Variants in MBOAT2 observed in about 807,000 individuals in gnomAD.
The protein encoded by MBOAT2 is membrane bound glycerophospholipid O-acyltransferase 2.
Under a neutral mutation model 63.4 loss-of-function variants are expected in MBOAT2, and 28 were observed. The observed-to-expected ratio is 0.44, with a 90% CI of 0.33 to 0.61. The LOEUF is 0.61. MBOAT2 is among the 20% of genes least tolerant of loss of function. The pLI is 0.03. For synonymous variants in MBOAT2, 211 were observed against 215.6 expected (o/e 0.98, Z 0.19); for missense variants, 470 against 605.8 (o/e 0.78, Z 2.35).
At chr2:8,968,618 C>A (rs1478368081) in intron 1 of MBOAT2, among the ~76,000 whole-genome samples, 2 of 152,048 alleles carry the variant, frequency 1.3e-5, no homozygotes, top group Non-Finnish European at 2.9e-5. Flanking sequence ...CACAAAGAAG[C>A]TAAAAACCTT....
At chr2:8,928,033 G>A (rs1456793514) in intron 3 of MBOAT2, among the ~76,000 whole-genome samples, 1 of 152,136 alleles carries the variant, frequency 6.6e-6, no homozygotes, top group East Asian at 1.9e-4. Context: ...CAGAGCAGGA[G>A]TAAGAAAGCG....
rs760460797 is a variant in MBOAT2 at position 8,864,247 on chromosome 2, G to GA, written c.988-14dup. ...AACTTGTTGACATCTGAAAAAAAAG[G>GA]AAACTTTTTTCTTTGTGTCACAAAA... is the stretch of plus-strand genomic sequence containing the variant. On this transcript the variant is annotated splice_polypyrimidine_tract_variant and intron_variant, in intron 9 of 12. Coordinates refer to ENST00000305997, the MANE Select transcript of MBOAT2 (RefSeq NM_138799.4). The GA allele has an allele frequency of 1.1e-5, 17 of 1,525,236 alleles. 1 individual carries two copies. The African/African-American group carries it at 1.7e-4, about 15-fold the overall frequency. The allele number at this position is 1,525,236 out of a possible 1,614,324, so 94.5% of individuals were successfully genotyped here.
chr2:8,898,590 C>T (rs1371738328), intron 4 of MBOAT2, among the ~76,000 whole-genome samples: 1 of 152,142 alleles, frequency 6.6e-6, no homozygotes, highest in East Asian at 1.9e-4. Context: ...AACTGGTGGC[C>T]AAAAGTAAAT....
intron 4 of MBOAT2, among the ~76,000 whole-genome samples, chr2:8,895,790 A>C (rs1664415688): frequency 1.3e-5 from 2 of 152,206 alleles, no homozygotes; most frequent in South Asian, 4.1e-4. Context: ...GTTTGTAAGA[A>C]CATCTGTAGG....
At chr2:8,916,946 C>T (rs768806155) in intron 3 of MBOAT2, among the ~76,000 whole-genome samples, 10 of 152,014 alleles carry the variant, frequency 6.6e-5, no homozygotes, top group Non-Finnish European at 1.5e-4. Flanking sequence ...TGACACTGGC[C>T]TAAGGTCAGA....
intron 1 of MBOAT2, among the ~76,000 whole-genome samples, chr2:8,963,202 C>A (rs1338537479): frequency 4.1e-5 from 6 of 147,710 alleles, no homozygotes; most frequent in Non-Finnish European, 5.9e-5. Flanking sequence ...CACGCCACTG[C>A]ATTCCAGCCT....
intron 2 of MBOAT2, among the ~76,000 whole-genome samples, chr2:8,953,234 G>A (rs1668969049): frequency 6.6e-6 from 1 of 152,144 alleles, no homozygotes; most frequent in South Asian, 2.1e-4. Flanking sequence ...TTAGTTTGGT[G>A]GGTTATGAAA....
In MBOAT2 at chr2:9,003,466, C is replaced by T; in HGVS notation, c.75+74G>A. 1 of 1,028,736 alleles carries T rather than the reference C, an allele frequency of 9.7e-7. No homozygotes were observed. The highest frequency in any genetic ancestry group is 1.2e-6 in the Non-Finnish European group (1 of 826,980). 63.7% of individuals were successfully genotyped at this position (1,028,736 alleles called of 1,614,324 possible). On this transcript the variant is annotated intron_variant, in intron 1 of 12. Transcript: ENST00000305997. This position sits in a 1 kb window ranked among gnomAD's most constrained non-coding sequence, Gnocchi z 5.4. ...CCCAGCCCCCACCCTCCTCCCGGGC[C>T]CCCGGTCGGGTGGCACCGCGGCGGG...
intron 3 of MBOAT2, among the ~76,000 whole-genome samples, chr2:8,932,688 A>G (rs1667403557): frequency 1.3e-5 from 2 of 152,104 alleles, no homozygotes. Context: ...CCCCATCTGT[A>G]CAAGTAGACA....
chr2:8,867,037 G>A (rs745746752), intron 9 of MBOAT2, among the ~76,000 whole-genome samples: 1 of 152,108 alleles, frequency 6.6e-6, no homozygotes, highest in South Asian at 2.1e-4. Flanking sequence ...GATCCTTTTC[G>A]CAGGCTAGCA....
Position 8,949,694 on chromosome 2 carries a change from G to A in MBOAT2, c.222-6430C>T, listed in dbSNP as rs540355794. 4.6e-5 allele frequency among the ~76,000 whole-genome samples: 7 copies of A among 152,020 alleles called. No individual in the cohort carries two copies. The South Asian group carries it at 1.5e-3, about 32-fold the overall frequency. ...TGCAGTCTTCTATTCTGTTCCATTGGTTTGTGTCTGTTTTGTACCAGTATC... is the reference window on the plus strand; with the variant it reads ...TGCAGTCTTCTATTCTGTTCCATTGATTTGTGTCTGTTTTGTACCAGTATC... On this transcript the variant is annotated intron_variant, in intron 2 of 12. Coordinates refer to ENST00000305997, the MANE Select transcript of MBOAT2 (RefSeq NM_138799.4).
chr2:8,868,437 T>C lies in MBOAT2; in HGVS notation c.987+9A>G, dbSNP rs1255169105. 1.2e-5 allele frequency: 20 copies of C among 1,610,242 alleles called. No individual in the cohort carries two copies. The highest frequency in any genetic ancestry group is 2.2e-5 in the East Asian group (1 of 44,860). ...TATATAGTAACTAACTTCTTAAAGATTGACTCACCTCTATTTGTTGAATTC... is the reference window on the plus strand; with the variant it reads ...TATATAGTAACTAACTTCTTAAAGACTGACTCACCTCTATTTGTTGAATTC... On this transcript the variant is annotated intron_variant, in intron 9 of 12. Coordinates refer to ENST00000305997, the MANE Select transcript of MBOAT2 (RefSeq NM_138799.4).
At chr2:8,951,586 T>C (rs917621598) in intron 2 of MBOAT2, among the ~76,000 whole-genome samples, 6 of 152,234 alleles carry the variant, frequency 3.9e-5, no homozygotes, top group African/African-American at 1.4e-4. Flanking sequence ...GGTAGGTTTT[T>C]CATTACAGGT....
At chr2:8,938,695 A>T (rs912083818) in intron 3 of MBOAT2, among the ~76,000 whole-genome samples, 1 of 141,494 alleles carries the variant, frequency 7.1e-6, no homozygotes, top group African/African-American at 2.7e-5. Context: ...ACCATGTTTC[A>T]TGCTGTCACG....
chr2:8,903,557 C>T (rs189446935), intron 4 of MBOAT2, among the ~76,000 whole-genome samples: 2 of 152,010 alleles, frequency 1.3e-5, no homozygotes, highest in Non-Finnish European at 2.9e-5. Flanking sequence ...ACGTTTTTGC[C>T]AAAAAATCTG....
At chr2:8,939,774 G>A (rs568483393) in intron 3 of MBOAT2, among the ~76,000 whole-genome samples, 42 of 152,142 alleles carry the variant, frequency 2.8e-4, no homozygotes, top group African/African-American at 9.2e-4. Context: ...CTCTGCAAAC[G>A]GTTCTAAAAC....
intron 1 of MBOAT2, among the ~76,000 whole-genome samples, chr2:8,990,029 G>A (rs550470067): frequency 2.0e-5 from 3 of 152,264 alleles, no homozygotes; most frequent in African/African-American, 4.8e-5. Context: ...CTCAATCCAC[G>A]ATCTTAGTCA....
At position 8,892,549 on chromosome 2, in the gene MBOAT2, G is replaced by A. The variant is rs573380489; in HGVS notation, c.396-4476C>T. Among the ~76,000 whole-genome samples the A allele has an allele frequency of 2.6e-5, 4 of 152,316 alleles. No individual in the cohort carries two copies. The East Asian group carries it at 7.7e-4, about 29-fold the overall frequency. ...CCAAAGATACAATGTGAACAAGACAGGCCAAGTCCTTGCTGCTATGAAATT... is the reference window on the plus strand; with the variant it reads ...CCAAAGATACAATGTGAACAAGACAAGCCAAGTCCTTGCTGCTATGAAATT... On this transcript the variant is annotated intron_variant, in intron 4 of 12. Coordinates refer to ENST00000305997, the MANE Select transcript of MBOAT2 (RefSeq NM_138799.4).
At chr2:8,989,627 C>T (rs1038451067) in intron 1 of MBOAT2, among the ~76,000 whole-genome samples, 1 of 152,074 alleles carries the variant, frequency 6.6e-6, no homozygotes. Context: ...ATAAGCCAGC[C>T]ATGTGAAAAA....
Sources: allele counts gnomAD v4.1 joint callset (sites outside exome capture counted in the v4.1 genomes callset), GRCh38; gene constraint gnomAD v4.1.1; non-coding constraint Gnocchi (gnomAD v3.1); transcripts MANE v1.5; gene names NCBI Gene and HGNC (gene_info 2026-07-23, HGNC 2026-07-21).